The following ENTPD1 variants were observed in gnomAD, a reference collection of about 807,000 sequenced individuals.
The protein encoded by ENTPD1 is ATP diphosphohydrolase.
Under a neutral mutation model 57.0 loss-of-function variants are expected in ENTPD1, and 33 were observed. The observed-to-expected ratio is 0.58, with a 90% confidence interval of 0.44 to 0.77. The LOEUF is 0.77. Ranked by LOEUF, ENTPD1 falls within the 30% of genes least tolerant of loss-of-function variation. The pLI is 0.00. For synonymous variants in ENTPD1, 202 were observed against 218.8 expected (o/e 0.92, Z 0.68); for missense variants, 501 against 603.4 (o/e 0.83, Z 1.78).
the ENTPD1 span, among the ~76,000 whole-genome samples, chr10:95,695,124 G>A: frequency 1.3e-5 from 2 of 151,860 alleles, no homozygotes; most frequent in South Asian, 2.1e-4. Context: ...GGCTGGTCTC[G>A]AATTCCTGAC....
rs1221974161 is a variant in ENTPD1, at chr10:95,866,283, T to C, written c.1433T>C (p.Val478Ala). The C allele has an allele frequency of 1.9e-6, 3 of 1,614,212 alleles. No homozygotes were observed. Among genetic ancestry groups the C allele is most frequent in the Non-Finnish European group, 2.5e-6 (3 of 1,180,030 alleles). Residue 478 changes from valine to alanine, a missense_variant, in exon 10 of 10, where the codon GTC becomes GCC. Val to Ala is a moderately conservative substitution (Grantham distance 64). Transcript: ENST00000371205. ...ACACCTCTCTCCCACTCCACCTATGTCTTCCTCATGGTTCTATTCTCCCTG... is the reference window on the plus strand; with the variant it reads ...ACACCTCTCTCCCACTCCACCTATGCCTTCCTCATGGTTCTATTCTCCCTG... ...LSTPLSHSTY[V>A]FLMVLFSLVL...
At chr10:95,824,551 T>C (rs1213011303) in intron 2 of ENTPD1, among the ~76,000 whole-genome samples, 1 of 152,238 alleles carries the variant, frequency 6.6e-6, no homozygotes, top group Non-Finnish European at 1.5e-5. Context: ...ACTGATGTTG[T>C]TTCCTTGGCA....
At chr10:95,797,286 A>G (rs1157779282) in intron 1 of ENTPD1, among the ~76,000 whole-genome samples, 1 of 152,104 alleles carries the variant, frequency 6.6e-6, no homozygotes, top group Admixed American at 6.6e-5. Context: ...TGGCCATAGA[A>G]CATCCAAGCA....
intron 1 of ENTPD1, among the ~76,000 whole-genome samples, chr10:95,741,300 C>T (rs1034442878): frequency 6.6e-6 from 1 of 152,122 alleles, no homozygotes; most frequent in Non-Finnish European, 1.5e-5. Flanking sequence ...GATAGTGGGA[C>T]AGACAGTGAG....
chr10:95,792,464 G>A (rs1209011947), intron 1 of ENTPD1, among the ~76,000 whole-genome samples: 4 of 152,138 alleles, frequency 2.6e-5, no homozygotes, highest in Admixed American at 6.6e-5. Flanking sequence ...AAAGTAGATT[G>A]GACATTTCAA....
chr10:95,752,903 G>C (rs2098014407), upstream of ENTPD1, among the ~76,000 whole-genome samples: 1 of 152,032 alleles, frequency 6.6e-6, no homozygotes, highest in African/African-American at 2.4e-5. Flanking sequence ...CCAATCTCAA[G>C]AATTTATTCA....
intron 2 of ENTPD1, among the ~76,000 whole-genome samples, chr10:95,837,797 T>G (rs938575025): frequency 6.6e-6 from 1 of 152,162 alleles, no homozygotes; most frequent in Non-Finnish European, 1.5e-5. Context: ...CTTAGATTCA[T>G]AGCAGATGAT....
upstream of ENTPD1, among the ~76,000 whole-genome samples, chr10:95,710,552 A>G (rs534298757): frequency 2.0e-4 from 31 of 152,350 alleles, no homozygotes; most frequent in Non-Finnish European, 3.5e-4. Context: ...GGCAGAATTC[A>G]TCTCCTTGCT....
At chr10:95,698,291 G>C in the ENTPD1 span, among the ~76,000 whole-genome samples, 1 of 152,224 alleles carries the variant, frequency 6.6e-6, no homozygotes, top group African/African-American at 2.4e-5. Flanking sequence ...GCCAAATATA[G>C]AAGGAGCTAC....
At chr10:95,727,335 C>A (rs1162872447) in intron 1 of ENTPD1, among the ~76,000 whole-genome samples, 1 of 152,162 alleles carries the variant, frequency 6.6e-6, no homozygotes, top group Non-Finnish European at 1.5e-5. Flanking sequence ...GAAATTTTTT[C>A]TCTGTATCTG....
intron 1 of ENTPD1, among the ~76,000 whole-genome samples, chr10:95,741,754 G>A (rs1429318936): frequency 1.3e-5 from 2 of 152,190 alleles, no homozygotes; most frequent in Non-Finnish European, 2.9e-5. Flanking sequence ...TGGAAGACTT[G>A]AAAGATTCAA....
chr10:95,809,634 G>A (rs1427422671), intron 1 of ENTPD1, among the ~76,000 whole-genome samples: 4 of 145,066 alleles, frequency 2.8e-5, no homozygotes, highest in Admixed American at 6.8e-5. Flanking sequence ...CCTCCCAGAC[G>A]GGGCGGATGC....
intron 1 of ENTPD1, among the ~76,000 whole-genome samples, chr10:95,744,649 CA>C (rs369842243): frequency 8.6e-5 from 13 of 151,158 alleles, no homozygotes; most frequent in African/African-American, 3.2e-4. Flanking sequence ...ACTAGGTCAG[CA>C]CCCTTTTCCT....
intron 7 of ENTPD1, among the ~76,000 whole-genome samples, chr10:95,853,856 G>A (rs1443657665): frequency 6.6e-6 from 1 of 152,100 alleles, no homozygotes; most frequent in Admixed American, 6.5e-5. Flanking sequence ...GAGGATTTTT[G>A]CATCAATGTT....
At chr10:95,777,493 C>T (rs2098138434) in intron 1 of ENTPD1, among the ~76,000 whole-genome samples, 1 of 152,158 alleles carries the variant, frequency 6.6e-6, no homozygotes, top group African/African-American at 2.4e-5. Context: ...TGCAGAACAG[C>T]AAATATTGCT....
At chr10:95,831,665 C>T (rs988822549) in intron 2 of ENTPD1, among the ~76,000 whole-genome samples, 2 of 152,244 alleles carry the variant, frequency 1.3e-5, no homozygotes, top group African/African-American at 4.8e-5. Context: ...CAGGTCAGCC[C>T]ACCCATGCTG....
rs1384434830 is a variant in ENTPD1 at position 95,870,162 on chromosome 10, A to C, written c.*3779A>C. The C allele has an allele frequency of 2.0e-6, 2 of 985,358 alleles. No homozygotes were observed. Among genetic ancestry groups the C allele is most frequent in the Non-Finnish European group, 2.4e-6 (2 of 829,950 alleles). 61.0% of individuals were successfully genotyped at this position (985,358 alleles called of 1,614,324 possible). A position where few individuals can be genotyped will look rare whatever the true frequency, so the allele number is the denominator to read the frequency against. Reference sequence around the variant, plus strand: ...TGCCTTCCCATGAAGATGTGAAGGCAGGGATGCCTGTTATTCAGTCCAAGA... The same window carrying C: ...TGCCTTCCCATGAAGATGTGAAGGCCGGGATGCCTGTTATTCAGTCCAAGA... On this transcript the variant is annotated 3_prime_UTR_variant, in exon 10 of 10. Transcript: ENST00000371205.
At chr10:95,854,699 T>A (rs1335359784) in intron 7 of ENTPD1, among the ~76,000 whole-genome samples, 1 of 152,212 alleles carries the variant, frequency 6.6e-6, no homozygotes, top group East Asian at 1.9e-4. Flanking sequence ...TACCCAGTAG[T>A]CATTCAGGAG....
At chr10:95,695,127 T>C in the ENTPD1 span, among the ~76,000 whole-genome samples, 126,931 of 151,878 alleles carry the variant, frequency 0.84, 53,581 homozygotes, top group Non-Finnish European at 0.9. Flanking sequence ...TGGTCTCGAA[T>C]TCCTGACCTC....
Sources: gnomAD v4.1 joint callset for allele counts (sites outside exome capture counted in the v4.1 genomes callset) on GRCh38, gnomAD v4.1.1 for gene constraint, MANE v1.5 for transcripts, NCBI Gene and HGNC (gene_info 2026-07-23, HGNC 2026-07-21) for gene names.